Variants in CENPW observed in about 807,000 individuals in gnomAD.
The protein encoded by CENPW is cancer-up-regulated gene 2 protein.
Under a neutral mutation model 11.1 loss-of-function variants are expected in CENPW, and 3 were observed. That is an observed-to-expected ratio of 0.27 (90% CI 0.12 to 0.70). CENPW has a LOEUF of 0.70. Among genes scored for constraint, CENPW ranks in the 30% least tolerant of loss-of-function variants. CENPW has a pLI of 0.77. For missense variants in CENPW, 100 were observed against 105.6 expected (o/e 0.95, Z 0.23); for synonymous variants, 38 against 42.0 (o/e 0.91, Z 0.37).
At chr6:126,456,917 A>T in the CENPW span, among the ~76,000 whole-genome samples, 1 of 151,508 alleles carries the variant, frequency 6.6e-6, no homozygotes. Context: ...AAGAAGACAT[A>T]CCTGTGGCCT....
At chr6:126,350,898 GAAA>G (rs541388781), downstream of CENPW, among the ~76,000 whole-genome samples, 23 of 150,982 alleles carry the variant, frequency 1.5e-4, no homozygotes, top group African/African-American at 5.6e-4. Context: ...ATGTAAATTT[GAAA>G]AAAAACAACT....
At chr6:126,348,945 C>G (rs1030079814), downstream of CENPW, 1 of 152,376 alleles carries the variant, frequency 6.6e-6, no homozygotes, top group Admixed American at 6.6e-5. Flanking sequence ...GCAATGCAAT[C>G]TACTTTTATA....
chr6:126,350,875 A>G (rs1780483260), downstream of CENPW, among the ~76,000 whole-genome samples: 1 of 152,158 alleles, frequency 6.6e-6, no homozygotes, highest in Admixed American at 6.6e-5. Context: ...AATAAATAGG[A>G]CTTCTCAAGA....
At chr6:126,409,057 T>C in the CENPW span, among the ~76,000 whole-genome samples, 1 of 152,124 alleles carries the variant, frequency 6.6e-6, no homozygotes, top group Non-Finnish European at 1.5e-5. Context: ...TTACTTGAAA[T>C]CTTTTTACTT....
chr6:126,432,965 C>T, the CENPW span, among the ~76,000 whole-genome samples: 43 of 152,158 alleles, frequency 2.8e-4, no homozygotes, highest in Middle Eastern at 3.4e-3. Flanking sequence ...TAAGAAAACT[C>T]TAGGGGAAGG....
chr6:126,455,413 A>T, the CENPW span, among the ~76,000 whole-genome samples: 1 of 151,598 alleles, frequency 6.6e-6, no homozygotes, highest in Non-Finnish European at 1.5e-5. Context: ...AAAGTGTTTC[A>T]ACATATGCAA....
the CENPW span, among the ~76,000 whole-genome samples, chr6:126,453,293 G>A: frequency 6.6e-6 from 1 of 151,114 alleles, no homozygotes; most frequent in Admixed American, 6.6e-5. Flanking sequence ...AGGAAAAAAT[G>A]TTAAAGGCAG....
chr6:126,449,679 T>C, the CENPW span, among the ~76,000 whole-genome samples: 2 of 151,076 alleles, frequency 1.3e-5, no homozygotes, highest in South Asian at 4.1e-4. Context: ...AATGTTGATT[T>C]TTATCGCCAG....
At chr6:126,468,377 G>A in the CENPW span, among the ~76,000 whole-genome samples, 4 of 118,792 alleles carry the variant, frequency 3.4e-5, no homozygotes, top group African/African-American at 3.2e-5. Context: ...CCGAAATAGC[G>A]CCATTGCACT....
chr6:126,446,360 C>T, the CENPW span, among the ~76,000 whole-genome samples: 2 of 147,174 alleles, frequency 1.4e-5, no homozygotes, highest in Admixed American at 6.8e-5. Context: ...CTCCCTGGCC[C>T]CCCCACAAGA....
downstream of CENPW, among the ~76,000 whole-genome samples, chr6:126,349,218 T>C (rs1486664017): frequency 6.6e-6 from 1 of 152,128 alleles, no homozygotes; most frequent in African/African-American, 2.4e-5. Flanking sequence ...GTTGCAAAGA[T>C]AGTACAGAGA....
At chr6:126,460,682 T>A in the CENPW span, among the ~76,000 whole-genome samples, 1 of 151,638 alleles carries the variant, frequency 6.6e-6, no homozygotes, top group African/African-American at 2.4e-5. Flanking sequence ...GCTATTGCAA[T>A]GGGGGAAAAG....
At chr6:126,416,223 T>C in the CENPW span, among the ~76,000 whole-genome samples, 1 of 152,176 alleles carries the variant, frequency 6.6e-6, no homozygotes, top group Non-Finnish European at 1.5e-5. Flanking sequence ...TAGGGATTTA[T>C]GGAACGTTGA....
At chr6:126,465,740 A>G in the CENPW span, among the ~76,000 whole-genome samples, 1 of 152,112 alleles carries the variant, frequency 6.6e-6, no homozygotes, top group Non-Finnish European at 1.5e-5. Context: ...GATTTTGACA[A>G]AGGTATGAAG....
the CENPW span, among the ~76,000 whole-genome samples, chr6:126,459,854 C>T: frequency 4.0e-5 from 6 of 151,416 alleles, no homozygotes; most frequent in East Asian, 1.9e-4. Flanking sequence ...CAAACAGAAA[C>T]GCTGTTTGTA....
chr6:126,353,711 T>G (rs1780518196), downstream of CENPW, among the ~76,000 whole-genome samples: 1 of 152,016 alleles, frequency 6.6e-6, no homozygotes, highest in South Asian at 2.1e-4. Context: ...AGATTCTAAT[T>G]ATGTATTATT....
At chr6:126,455,855 A>T in the CENPW span, among the ~76,000 whole-genome samples, 2 of 151,376 alleles carry the variant, frequency 1.3e-5, no homozygotes, top group African/African-American at 4.8e-5. Context: ...AGATCTGATT[A>T]AAAAAAACTT....
the CENPW span, among the ~76,000 whole-genome samples, chr6:126,475,865 A>G: frequency 6.6e-6 from 1 of 152,066 alleles, no homozygotes; most frequent in African/African-American, 2.4e-5. Flanking sequence ...GCATCTTTAT[A>G]CATGGAATGC....
chr6:126,387,397 A>G, the CENPW span, among the ~76,000 whole-genome samples: 3 of 151,922 alleles, frequency 2.0e-5, no homozygotes, highest in Non-Finnish European at 2.9e-5. Context: ...TTATATCCCA[A>G]TTTCACGGAG....
Sources: gnomAD v4.1 joint callset for allele counts (sites outside exome capture counted in the v4.1 genomes callset) on GRCh38, gnomAD v4.1.1 for gene constraint, MANE v1.5 for transcripts, NCBI Gene and HGNC (gene_info 2026-07-23, HGNC 2026-07-21) for gene names.